ACTA2: variants seen among roughly 807,000 people sequenced by gnomAD.
The protein encoded by ACTA2 is actin, aortic smooth muscle.
ACTA2 carries 12 observed loss-of-function variants against 39.5 expected under a neutral mutation model. That is an observed-to-expected ratio of 0.30 (90% confidence interval 0.19 to 0.49). The LOEUF (loss-of-function observed/expected upper bound fraction) is 0.49. Ranked by LOEUF, ACTA2 falls within the 20% of genes least tolerant of loss-of-function variation. The pLI is 0.99. For missense variants in ACTA2, 236 were observed against 498.8 expected (o/e 0.47, Z 5.02); for synonymous variants, 158 against 180.6 (o/e 0.88, Z 1.00).
intron 1 of ACTA2, among the ~76,000 whole-genome samples, chr10:88,972,897 T>G (rs1342710937): frequency 6.6e-6 from 1 of 152,220 alleles, no homozygotes; most frequent in Non-Finnish European, 1.5e-5. Context: ...CAGGTAATTT[T>G]GTAGGATACT....
intron 7 of ACTA2, 111 bp from the exon 8 acceptor site, chr10:88,938,353 A>G (rs1845784649): frequency 8.2e-7 from 1 of 1,216,692 alleles, no homozygotes; most frequent in East Asian, 2.3e-5. Flanking sequence ...GAGGCTGGGA[A>G]GACATAATAA....
chr10:88,990,762 C>T lies in ACTA2; in HGVS notation c.-24+177G>A. ...GGGGCGGGCACTGGCACGGAACACACCCTGAGGCCAGCCCTGGCTGCCCAG... is the reference window on the plus strand; with the variant it reads ...GGGGCGGGCACTGGCACGGAACACATCCTGAGGCCAGCCCTGGCTGCCCAG... On this transcript the variant is annotated intron_variant, in intron 1 of 4. Coordinates refer to the ACTA2 transcript ENST00000415557. This position sits in a 1 kb window ranked among gnomAD's most constrained non-coding sequence, Gnocchi z 4.9. 7.3e-7 allele frequency: 1 copy of T among 1,375,172 alleles called. No homozygotes were observed. The highest frequency in any genetic ancestry group is 2.3e-5 in the East Asian group (1 of 42,944). The allele number at this position is 1,375,172 out of a possible 1,614,324, so 85.2% of individuals were successfully genotyped here.
At chr10:88,945,650 A>G (rs1338710326) in intron 3 of ACTA2, among the ~76,000 whole-genome samples, 1 of 152,222 alleles carries the variant, frequency 6.6e-6, no homozygotes, top group Non-Finnish European at 1.5e-5. Flanking sequence ...ATGTAATGCA[A>G]CACAGATAAA....
chr10:88,986,823 C>CT (rs879608874), intron 1 of ACTA2, among the ~76,000 whole-genome samples: 3 of 152,186 alleles, frequency 2.0e-5, no homozygotes, highest in Admixed American at 6.5e-5. Context: ...ATTTAACTTA[C>CT]TTTTTTTCAT....
intron 1 of ACTA2, among the ~76,000 whole-genome samples, chr10:88,978,413 A>T (rs1170995669): frequency 6.6e-6 from 1 of 152,158 alleles, no homozygotes; most frequent in African/African-American, 2.4e-5. Context: ...AAATAAATAA[A>T]TAAATAAATA....
At chr10:88,937,395 G>A (rs1845762447) in intron 8 of ACTA2, among the ~76,000 whole-genome samples, 1 of 152,154 alleles carries the variant, frequency 6.6e-6, no homozygotes, top group African/African-American at 2.4e-5. Context: ...TAACCTTTGA[G>A]AAGTGACCCA....
chr10:88,953,906 TG>T (rs2133285363), upstream of ACTA2, among the ~76,000 whole-genome samples: 1 of 152,298 alleles, frequency 6.6e-6, no homozygotes, highest in East Asian at 1.9e-4. Flanking sequence ...CATGCAGAAC[TG>T]TGAGTAAATT....
chr10:88,946,579 G>T (rs1845952365), intron 3 of ACTA2, among the ~76,000 whole-genome samples: 1 of 151,462 alleles, frequency 6.6e-6, no homozygotes, highest in Admixed American at 6.6e-5. Context: ...TTTTTGTAGA[G>T]ACAGGATCTT....
At chr10:88,972,115 G>A (rs61852568) in intron 1 of ACTA2, among the ~76,000 whole-genome samples, 13,580 of 151,882 alleles carry the variant, frequency 0.089, 777 homozygotes, top group Non-Finnish European at 0.14. Context: ...CACCATGTTG[G>A]CCAGGATGGT....
intron 1 of ACTA2, among the ~76,000 whole-genome samples, chr10:88,971,043 C>T (rs1846434211): frequency 6.6e-6 from 1 of 152,238 alleles, no homozygotes; most frequent in Non-Finnish European, 1.5e-5. Flanking sequence ...ACCTTGTCTT[C>T]TGTCATGATC....
rs78562283 is a variant in ACTA2, at chr10:88,937,810, T to C, written c.990+251A>G. ...TGAGCATGTGGGGAGCTCTGTTGAC[T>C]TTGACTGCAGCTACTGAAAGTAGCT... is the stretch of plus-strand genomic sequence containing the variant. On this transcript the variant is annotated intron_variant, in intron 8 of 8. Coordinates refer to ENST00000224784, the MANE Select transcript of ACTA2 (RefSeq NM_001613.4). Among the ~76,000 whole-genome samples, 885 of 152,338 alleles carry C rather than the reference T, an allele frequency of 5.8e-3. 3 individuals are homozygous for C. Among genetic ancestry groups the C allele is most frequent in the African/African-American group, 0.02 (833 of 41,580 alleles).
chr10:88,941,183 A>G (rs1273578505), intron 6 of ACTA2, 46 bp downstream of exon 6: 1 of 1,611,596 alleles, frequency 6.2e-7, no homozygotes, highest in Admixed American at 1.7e-5. Context: ...GAAGTTACTG[A>G]GCAACACACT....
At position 88,941,321 on chromosome 10, in the gene ACTA2, T is replaced by C; in HGVS notation, c.524A>G (p.His175Arg). 6.2e-7 allele frequency: 1 copy of C among 1,613,586 alleles called. No individual in the cohort carries two copies. The highest frequency in any genetic ancestry group is 1.1e-5 in the South Asian group (1 of 91,064). ...AGCCAGATCCAGACGCATGATGGCA[T>C]GGGGCAAGGCATAGCCCTCATAGAT... ...VPIYEGYALP[H>R]AIMRLDLAGR... is the part of the protein sequence containing the mutation. The change falls in exon 6 of 9, where the codon CAT (histidine) becomes CGT (arginine). Residue 175 changes from histidine (H) to arginine (R), a missense_variant. His to Arg is a conservative substitution (Grantham distance 29). Coordinates refer to ENST00000224784, the MANE Select transcript of ACTA2 (RefSeq NM_001613.4).
intron 1 of ACTA2, among the ~76,000 whole-genome samples, chr10:88,978,565 A>G (rs985442780): frequency 3.3e-5 from 5 of 152,162 alleles, no homozygotes; most frequent in Admixed American, 2.6e-4. Flanking sequence ...AGAGAGAGAA[A>G]AGATTCTGTT....
chr10:88,959,710 A>G (rs1846196665), intron 1 of ACTA2, among the ~76,000 whole-genome samples: 1 of 152,166 alleles, frequency 6.6e-6, no homozygotes, highest in South Asian at 2.1e-4. Context: ...ATTCATTCTG[A>G]TTTCCTCAGC....
Position 88,989,337 on chromosome 10 carries a change from C to G in ACTA2, c.-24+1602G>C, listed in dbSNP as rs1847028354. 11 of 299,562 alleles carry G rather than the reference C, an allele frequency of 3.7e-5. No homozygotes were observed. The Admixed American group carries it at 4.6e-4, about 12-fold the overall frequency. 18.6% of individuals were successfully genotyped at this position (299,562 alleles called of 1,614,324 possible). On this transcript the variant is annotated intron_variant, in intron 1 of 4. Coordinates refer to the ACTA2 transcript ENST00000415557. The stretch of plus-strand genomic sequence containing the variant: ...TCCCTCACACCCCTTTTCCTTCCTT[C>G]TTTTTACATTTTTTTATTTAAATGA...
At chr10:88,983,675 T>A (rs1195090415) in intron 1 of ACTA2, among the ~76,000 whole-genome samples, 1 of 145,122 alleles carries the variant, frequency 6.9e-6, no homozygotes, top group Non-Finnish European at 1.5e-5. Context: ...GTTCTGGACA[T>A]TATATAAGCA....
intron 1 of ACTA2, among the ~76,000 whole-genome samples, chr10:88,983,638 A>ACC (rs1325553498): frequency 9.7e-6 from 1 of 102,848 alleles, no homozygotes; most frequent in African/African-American, 4.7e-5. Context: ...AAAAAAAAAA[A>ACC]ACACACACAC....
intron 1 of ACTA2, among the ~76,000 whole-genome samples, chr10:88,951,391 CTG>C (rs962093399): frequency 1.3e-5 from 2 of 152,080 alleles, no homozygotes; most frequent in African/African-American, 2.4e-5. Context: ...TTTTTAATAA[CTG>C]TTTTGTTGGG....
Sources: gnomAD v4.1 joint callset for allele counts (sites outside exome capture counted in the v4.1 genomes callset) on GRCh38, gnomAD v4.1.1 for gene constraint, Gnocchi (gnomAD v3.1) non-coding constraint, MANE v1.5 for transcripts, NCBI Gene and HGNC (gene_info 2026-07-23, HGNC 2026-07-21) for gene names.